ATXN1: variants seen among roughly 807,000 people sequenced by gnomAD.
The protein encoded by ATXN1 is ataxin 1.
Under a neutral mutation model 56.4 loss-of-function variants are expected in ATXN1, and 8 were observed. The ratio of observed to expected loss-of-function variants is 0.14; its 90% CI spans 0.08 to 0.26. ATXN1 has a LOEUF of 0.26. Among genes scored for constraint, ATXN1 ranks in the 10% least tolerant of loss-of-function variants. ATXN1 has a pLI of 1.00. For synonymous variants in ATXN1, 514 were observed against 494.6 expected (o/e 1.04, Z -0.52); for missense variants, 987 against 1,106.5 (o/e 0.89, Z 1.53).
At chr6:16,463,499 T>A (rs1177448324) in intron 6 of ATXN1, among the ~76,000 whole-genome samples, 1 of 152,232 alleles carries the variant, frequency 6.6e-6, no homozygotes, top group African/African-American at 2.4e-5. Flanking sequence ...TCAAAGGATT[T>A]CTCAAGACAG....
chr6:16,517,410 T>A (rs544100723), intron 5 of ATXN1, among the ~76,000 whole-genome samples: 4 of 152,342 alleles, frequency 2.6e-5, no homozygotes, highest in Admixed American at 2.0e-4. Context: ...AAAATGTATC[T>A]TGTAAGGTTG....
At chr6:16,639,197 C>T (rs1288220124) in intron 3 of ATXN1, among the ~76,000 whole-genome samples, 3 of 152,164 alleles carry the variant, frequency 2.0e-5, no homozygotes, top group Non-Finnish European at 2.9e-5. Flanking sequence ...AGAGACAACC[C>T]GCTCGGGTCC....
At chr6:16,726,695 T>C (rs1267798106) in intron 2 of ATXN1, among the ~76,000 whole-genome samples, 5 of 151,760 alleles carry the variant, frequency 3.3e-5, no homozygotes, top group Admixed American at 6.6e-5. Flanking sequence ...TGAAACTCCA[T>C]CTCTACTAAA....
At chr6:16,645,283 T>C (rs770972356) in intron 3 of ATXN1, among the ~76,000 whole-genome samples, 1 of 152,230 alleles carries the variant, frequency 6.6e-6, no homozygotes, top group Non-Finnish European at 1.5e-5. Flanking sequence ...GATGCTGGGC[T>C]CCTACAAGTG....
At chr6:16,376,636 T>C (rs1762145834) in intron 6 of ATXN1, among the ~76,000 whole-genome samples, 1 of 152,256 alleles carries the variant, frequency 6.6e-6, no homozygotes, top group Admixed American at 6.5e-5. Context: ...GCTTTCCTTT[T>C]CATTTAAAAT....
chr6:16,614,206 G>A (rs1473432070), intron 3 of ATXN1, among the ~76,000 whole-genome samples: 3 of 151,694 alleles, frequency 2.0e-5, no homozygotes, highest in East Asian at 1.9e-4. Flanking sequence ...TGTCATCATC[G>A]CATCTTGAGA....
Position 16,427,666 on chromosome 6 carries a change from C to T in ATXN1, c.-161+58306G>A, listed in dbSNP as rs906782268. On this transcript the variant is annotated intron_variant, in intron 6 of 7. Coordinates refer to ENST00000436367, the MANE Select transcript of ATXN1 (RefSeq NM_001128164.2). Reference sequence around the variant, plus strand: ...TCAAAGTGACCTCAACTGCCTCCAGCGTTTCAGGTGTTGAGCTCTAGAAGC... The same window carrying T: ...TCAAAGTGACCTCAACTGCCTCCAGTGTTTCAGGTGTTGAGCTCTAGAAGC... 7.2e-5 allele frequency among the ~76,000 whole-genome samples: 11 copies of T among 152,314 alleles called. No individual in the cohort carries two copies. The East Asian group carries it at 2.1e-3, about 29-fold the overall frequency.
chr6:16,450,591 A>T (rs1759734146), intron 6 of ATXN1, among the ~76,000 whole-genome samples: 1 of 152,238 alleles, frequency 6.6e-6, no homozygotes, highest in East Asian at 1.9e-4. Context: ...ACTCACTCCC[A>T]TTCCATCGAG....
At chr6:16,515,308 T>C (rs1340260782) in intron 5 of ATXN1, among the ~76,000 whole-genome samples, 1 of 152,058 alleles carries the variant, frequency 6.6e-6, no homozygotes, top group Non-Finnish European at 1.5e-5. Flanking sequence ...AAAACATGGT[T>C]CTTCACATCC....
intron 6 of ATXN1, among the ~76,000 whole-genome samples, chr6:16,476,513 T>C (rs576576942): frequency 4.0e-5 from 6 of 150,576 alleles, no homozygotes; most frequent in African/African-American, 1.5e-4. Flanking sequence ...TTAACAGTTA[T>C]ATAATAATCC....
intron 7 of ATXN1, among the ~76,000 whole-genome samples, chr6:16,319,500 C>G (rs1760595784): frequency 6.6e-6 from 1 of 152,108 alleles, no homozygotes; most frequent in South Asian, 2.1e-4. Flanking sequence ...TACAGCTGTT[C>G]TGTATAATAA....
intron 4 of ATXN1, among the ~76,000 whole-genome samples, chr6:16,547,042 A>C (rs1453483114): frequency 2.0e-5 from 3 of 152,252 alleles, no homozygotes; most frequent in Non-Finnish European, 2.9e-5. Flanking sequence ...AAGCCCAAGG[A>C]AAGTGGGAAA....
intron 2 of ATXN1, among the ~76,000 whole-genome samples, chr6:16,677,315 G>A (rs148295040): frequency 2.3e-3 from 345 of 152,268 alleles, no homozygotes; most frequent in Non-Finnish European, 4.2e-3. Flanking sequence ...CCCCTCCCCA[G>A]AATCAGTGCT....
At chr6:16,660,153 C>A (rs779918212) in intron 2 of ATXN1, among the ~76,000 whole-genome samples, 5 of 152,220 alleles carry the variant, frequency 3.3e-5, no homozygotes, top group African/African-American at 4.8e-5. Flanking sequence ...ATGCTTCCCT[C>A]TTTCAGCAAA....
intron 2 of ATXN1, among the ~76,000 whole-genome samples, chr6:16,669,000 A>T (rs1758485734): frequency 6.6e-6 from 1 of 152,114 alleles, no homozygotes; most frequent in South Asian, 2.1e-4. Context: ...TCTTTGAGAA[A>T]TTGTGCTGTA....
At chr6:16,647,415 T>C (rs12524527) in intron 3 of ATXN1, among the ~76,000 whole-genome samples, 36,181 of 152,158 alleles carry the variant, frequency 0.24, 5,068 homozygotes, top group Non-Finnish European at 0.33. Flanking sequence ...CCCAGGAAGT[T>C]TGCCTCAAGA....
chr6:16,399,663 C>G (rs1758528081), intron 6 of ATXN1, among the ~76,000 whole-genome samples: 1 of 152,148 alleles, frequency 6.6e-6, no homozygotes, highest in Non-Finnish European at 1.5e-5. Context: ...CAAGGGACAC[C>G]TGGAAGTGTC....
intron 2 of ATXN1, among the ~76,000 whole-genome samples, chr6:16,661,795 T>C (rs1327999046): frequency 6.6e-6 from 1 of 152,186 alleles, no homozygotes; most frequent in Non-Finnish European, 1.5e-5. Flanking sequence ...TGAGGCCTGC[T>C]AGCATCTATG....
At chr6:16,390,072 GA>G (rs1758321074) in intron 6 of ATXN1, among the ~76,000 whole-genome samples, 1 of 152,144 alleles carries the variant, frequency 6.6e-6, no homozygotes, top group South Asian at 2.1e-4. Context: ...TGTTCAAGGT[GA>G]CATAAAAAGT....
Sources: allele counts gnomAD v4.1 joint callset (sites outside exome capture counted in the v4.1 genomes callset), GRCh38; gene constraint gnomAD v4.1.1; transcripts MANE v1.5; gene names NCBI Gene and HGNC (gene_info 2026-07-23, HGNC 2026-07-21).